The following PALM2AKAP2 variants were observed in gnomAD, a reference collection of about 807,000 sequenced individuals.
PALM2AKAP2 encodes PALM2 and AKAP2 fusion, also known as PALM2-AKAP2 fusion protein.
In PALM2AKAP2, 37 loss-of-function variants were observed where a neutral mutation model predicts 71.5. The observed-to-expected ratio is 0.52, with a 90% CI of 0.40 to 0.68. The LOEUF (loss-of-function observed/expected upper bound fraction) is 0.68. Ranked by LOEUF, PALM2AKAP2 falls within the 30% of genes least tolerant of loss-of-function variation. The pLI is 0.00. For synonymous variants in PALM2AKAP2, 468 were observed against 478.8 expected (o/e 0.98, Z 0.29); for missense variants, 1,224 against 1,191.8 (o/e 1.03, Z -0.40).
At chr9:109,761,251 T>C (rs1297313803) in intron 1 of PALM2AKAP2, among the ~76,000 whole-genome samples, 1 of 152,228 alleles carries the variant, frequency 6.6e-6, no homozygotes, top group Admixed American at 6.5e-5. Context: ...AATAATATTA[T>C]TGCTTTCCTA....
intron 1 of PALM2AKAP2, among the ~76,000 whole-genome samples, chr9:109,722,311 T>C (rs1419779500): frequency 6.6e-6 from 1 of 152,172 alleles, no homozygotes; most frequent in East Asian, 1.9e-4. Context: ...CATATCCAAT[T>C]TCTTGTAATA....
At chr9:109,676,958 A>G (rs1227581167) in intron 1 of PALM2AKAP2, among the ~76,000 whole-genome samples, 1 of 152,192 alleles carries the variant, frequency 6.6e-6, no homozygotes, top group Non-Finnish European at 1.5e-5. Flanking sequence ...TGGCAAAAAC[A>G]TTTCAGAGGA....
At chr9:110,146,295 AAGC>A (rs1836169084) in intron 2 of PALM2AKAP2, among the ~76,000 whole-genome samples, 2 of 152,086 alleles carry the variant, frequency 1.3e-5, no homozygotes, top group African/African-American at 4.8e-5. Flanking sequence ...ACTTTGGAAA[AAGC>A]AGAACGTTCC....
chr9:109,890,130 C>T (rs532674399), intron 3 of PALM2AKAP2, among the ~76,000 whole-genome samples: 46 of 152,336 alleles, frequency 3.0e-4, no homozygotes, highest in Middle Eastern at 6.8e-3. Flanking sequence ...TTGACATACT[C>T]TTCCACAGTT....
intron 6 of PALM2AKAP2, among the ~76,000 whole-genome samples, chr9:109,995,405 G>T (rs1378086342): frequency 2.0e-5 from 3 of 152,204 alleles, no homozygotes; most frequent in Non-Finnish European, 2.9e-5. Flanking sequence ...CAACAGAAAT[G>T]CAAGGAATGC....
At chr9:109,907,382 A>G (rs1198175852) in intron 3 of PALM2AKAP2, among the ~76,000 whole-genome samples, 1 of 152,200 alleles carries the variant, frequency 6.6e-6, no homozygotes, top group East Asian at 1.9e-4. Context: ...CCAAGACCTG[A>G]AAGACTCATA....
chr9:110,056,634 A>C (rs1287938449), intron 1 of PALM2AKAP2, among the ~76,000 whole-genome samples: 1 of 152,196 alleles, frequency 6.6e-6, no homozygotes, highest in African/African-American at 2.4e-5. Context: ...CCTCAGACAC[A>C]TTACAGATGA....
intron 1 of PALM2AKAP2, 146 bp from the exon 2 acceptor site, chr9:109,867,345 G>A (rs916389859): frequency 1.8e-5 from 15 of 816,886 alleles, no homozygotes; most frequent in African/African-American, 8.7e-5. Flanking sequence ...ACCCAGAGAC[G>A]GTGGGGCAGG....
At chr9:109,891,702 G>C (rs985862135) in intron 3 of PALM2AKAP2, among the ~76,000 whole-genome samples, 1 of 152,132 alleles carries the variant, frequency 6.6e-6, no homozygotes, top group East Asian at 1.9e-4. Context: ...TGTTAGCCAG[G>C]CTGGCTTTGA....
intron 6 of PALM2AKAP2, among the ~76,000 whole-genome samples, chr9:109,967,745 AT>A (rs1459392832): frequency 1.3e-5 from 2 of 152,200 alleles, no homozygotes; most frequent in Non-Finnish European, 2.9e-5. Context: ...GTGTCAAAGA[AT>A]TTTTAGACAT....
At chr9:109,975,849 G>A (rs1346573027) in intron 6 of PALM2AKAP2, among the ~76,000 whole-genome samples, 3 of 152,180 alleles carry the variant, frequency 2.0e-5, no homozygotes, top group Non-Finnish European at 1.5e-5. Context: ...GGGGAACCAC[G>A]GGGCCTGTGC....
At chr9:109,687,362 GT>G (rs1273568333) in intron 1 of PALM2AKAP2, among the ~76,000 whole-genome samples, 1 of 152,192 alleles carries the variant, frequency 6.6e-6, no homozygotes, top group East Asian at 1.9e-4. Flanking sequence ...GTGAAAATCT[GT>G]TGTTTAGTGA....
intron 1 of PALM2AKAP2, among the ~76,000 whole-genome samples, chr9:109,836,380 C>T (rs189017595): frequency 4.6e-5 from 7 of 152,290 alleles, no homozygotes; most frequent in African/African-American, 7.2e-5. Context: ...CACATCTGTA[C>T]GTCACCATCA....
At chr9:109,803,501 A>G (rs1314883690) in intron 1 of PALM2AKAP2, among the ~76,000 whole-genome samples, 1 of 152,192 alleles carries the variant, frequency 6.6e-6, no homozygotes, top group Non-Finnish European at 1.5e-5. Context: ...CCACGCTGGA[A>G]AGAGGTCTAC....
intron 1 of PALM2AKAP2, among the ~76,000 whole-genome samples, chr9:109,707,693 C>T (rs1238474499): frequency 3.9e-5 from 6 of 152,180 alleles, no homozygotes; most frequent in East Asian, 1.9e-4. Flanking sequence ...AATAGCCTTC[C>T]GATCAGTTCC....
intron 3 of PALM2AKAP2, among the ~76,000 whole-genome samples, chr9:109,921,150 T>C (rs957080014): frequency 3.9e-5 from 6 of 152,228 alleles, no homozygotes; most frequent in Admixed American, 3.3e-4. Flanking sequence ...TGCTGAAGAA[T>C]TCACTCTTGT....
intron 1 of PALM2AKAP2, among the ~76,000 whole-genome samples, chr9:110,065,902 T>C (rs1002351543): frequency 1.3e-5 from 2 of 152,216 alleles, no homozygotes; most frequent in Non-Finnish European, 2.9e-5. Flanking sequence ...TTTAAAAAAA[T>C]TGAATAATGT....
At chr9:109,779,497 G>A (rs1224088712), upstream of PALM2AKAP2, among the ~76,000 whole-genome samples, 1 of 152,070 alleles carries the variant, frequency 6.6e-6, no homozygotes, top group Non-Finnish European at 1.5e-5. Flanking sequence ...TCTCTCATTC[G>A]TCTCTAATGA....
intron 1 of PALM2AKAP2, 93 bp downstream of exon 1, chr9:109,780,626 A>G (rs1419892722): frequency 3.2e-6 from 5 of 1,546,194 alleles, no homozygotes; most frequent in East Asian, 4.5e-5. Context: ...CCAGCACAGT[A>G]GCCGCAGGTC....
Sources: gnomAD v4.1 joint callset for allele counts (sites outside exome capture counted in the v4.1 genomes callset) on GRCh38, gnomAD v4.1.1 for gene constraint, MANE v1.5 for transcripts, NCBI Gene and HGNC (gene_info 2026-07-23, HGNC 2026-07-21) for gene names.